The following NUDC variants were observed in gnomAD, a reference collection of about 807,000 sequenced individuals.
NUDC encodes nuclear distribution C, dynein complex regulator.
In NUDC, 14 loss-of-function variants were observed where a neutral mutation model predicts 45.0. The ratio of observed to expected loss-of-function variants is 0.31; its 90% CI spans 0.21 to 0.49. NUDC has a LOEUF of 0.49. Among genes scored for constraint, NUDC ranks in the 20% least tolerant of loss-of-function variants. The probability of loss-of-function intolerance (pLI) is 0.99; values close to 1 mark genes in which losing one functional copy is unlikely to be tolerated. For missense variants in NUDC, 323 were observed against 426.2 expected (o/e 0.76, Z 2.13); for synonymous variants, 153 against 156.7 (o/e 0.98, Z 0.17).
At chr1:26,900,798 T>C (rs1205022213) in intron 1 of NUDC, among the ~76,000 whole-genome samples, 1 of 152,184 alleles carries the variant, frequency 6.6e-6, no homozygotes, top group East Asian at 1.9e-4. Flanking sequence ...TCCATTTATT[T>C]TTCCAAAATG....
chr1:26,927,999 C>T (rs1345409391), intron 2 of NUDC, among the ~76,000 whole-genome samples: 2 of 151,988 alleles, frequency 1.3e-5, no homozygotes, highest in Admixed American at 6.6e-5. Context: ...CCTCATGCCA[C>T]GAACTTACAA....
upstream of NUDC, among the ~76,000 whole-genome samples, chr1:26,920,222 G>T (rs544703397): frequency 1.1e-4 from 16 of 152,288 alleles, no homozygotes; most frequent in African/African-American, 2.9e-4. Context: ...GGGCGCAGTG[G>T]CTCATGCCTG....
chr1:26,943,395 T>C (rs1347469956), intron 6 of NUDC, among the ~76,000 whole-genome samples: 1 of 151,084 alleles, frequency 6.6e-6, no homozygotes, highest in South Asian at 2.1e-4. Flanking sequence ...TAAATTTTTT[T>C]GTAGAGACCG....
chr1:26,906,585 C>G (rs2082004047), intron 2 of NUDC, among the ~76,000 whole-genome samples: 1 of 151,536 alleles, frequency 6.6e-6, no homozygotes, highest in Non-Finnish European at 1.5e-5. Flanking sequence ...CGTGGTGGCT[C>G]ACACCCGTAA....
At chr1:26,930,782 C>T (rs935591835) in intron 2 of NUDC, among the ~76,000 whole-genome samples, 4 of 150,216 alleles carry the variant, frequency 2.7e-5, no homozygotes, top group East Asian at 2.0e-4. Context: ...TTTGGAAGGC[C>T]GAGGTGGGCA....
At chr1:26,911,071 T>A (rs2082023527) in intron 2 of NUDC, 2 of 467,432 alleles carry the variant, frequency 4.3e-6, no homozygotes, top group African/African-American at 2.0e-5. Context: ...CAGCCCTGGG[T>A]ACCCTTGTCC....
At chr1:26,921,721 C>T, upstream of NUDC, 2 of 1,010,622 alleles carry the variant, frequency 2.0e-6, no homozygotes, top group African/African-American at 1.6e-5. Context: ...CAGCCGCGCG[C>T]GTGCGTGTTT....
chr1:26,906,122 AAT>A (rs1274513817), intron 2 of NUDC, among the ~76,000 whole-genome samples: 1 of 152,218 alleles, frequency 6.6e-6, no homozygotes, highest in Non-Finnish European at 1.5e-5. Context: ...CTCTACTAAA[AAT>A]ACACAATTAG....
At chr1:26,927,877 ATAATC>A (rs1479714653) in intron 2 of NUDC, among the ~76,000 whole-genome samples, 2 of 152,176 alleles carry the variant, frequency 1.3e-5, no homozygotes, top group Non-Finnish European at 2.9e-5. Flanking sequence ...ATTACATACA[ATAATC>A]TAATCGCAGG....
chr1:26,924,892 A>G (rs993597646), intron 2 of NUDC, among the ~76,000 whole-genome samples: 1 of 150,204 alleles, frequency 6.7e-6, no homozygotes, highest in Admixed American at 6.7e-5. Context: ...ATTTTATTTT[A>G]TTTTTTGAAA....
At chr1:26,915,006 TATATG>T (rs2082054311) in intron 3 of NUDC, among the ~76,000 whole-genome samples, 2 of 147,560 alleles carry the variant, frequency 1.4e-5, no homozygotes, top group Non-Finnish European at 3.0e-5. Context: ...TATGTATATG[TATATG>T]TATATTTATA....
chr1:26,934,146 C>T (rs750624896), intron 2 of NUDC, among the ~76,000 whole-genome samples: 7 of 152,180 alleles, frequency 4.6e-5, no homozygotes, highest in Admixed American at 1.3e-4. Context: ...AGCGAGACTC[C>T]GTCTCAAAGA....
intron 6 of NUDC, 107 bp downstream of exon 6, chr1:26,943,172 T>A: frequency 4.4e-6 from 5 of 1,139,084 alleles, no homozygotes; most frequent in Non-Finnish European, 5.3e-6. Flanking sequence ...GGGATTATCT[T>A]AATCCCCATG....
intron 2 of NUDC, among the ~76,000 whole-genome samples, chr1:26,903,443 A>T (rs1181300923): frequency 1.3e-5 from 2 of 152,336 alleles, no homozygotes; most frequent in African/African-American, 2.4e-5. Flanking sequence ...TACTTTACAC[A>T]TATTTATTAA....
chr1:26,924,484 A>C (rs1294063425), intron 2 of NUDC, among the ~76,000 whole-genome samples: 1 of 152,204 alleles, frequency 6.6e-6, no homozygotes, highest in African/African-American at 2.4e-5. Flanking sequence ...GGTTGAAACC[A>C]GTCTGTTGTA....
intron 2 of NUDC, among the ~76,000 whole-genome samples, chr1:26,934,803 A>G (rs1236770441): frequency 1.3e-5 from 2 of 148,646 alleles, no homozygotes; most frequent in African/African-American, 2.5e-5. Flanking sequence ...GACTACAGGC[A>G]CCCCCCACCA....
intron 3 of NUDC, among the ~76,000 whole-genome samples, chr1:26,914,258 C>T (rs899847754): frequency 6.6e-6 from 1 of 152,222 alleles, no homozygotes; most frequent in East Asian, 1.9e-4. Context: ...AGGTCATTAA[C>T]TCAGGCTGTA....
At chr1:26,913,599 C>T (rs1265678714) in intron 3 of NUDC, 11 of 1,613,982 alleles carry the variant, frequency 6.8e-6, no homozygotes, top group Non-Finnish European at 9.3e-6. Context: ...GTATGCTGGG[C>T]ACCGGGGCCT....
At chr1:26,906,722 G>A (rs1030238770) in intron 2 of NUDC, among the ~76,000 whole-genome samples, 5 of 152,070 alleles carry the variant, frequency 3.3e-5, no homozygotes, top group African/African-American at 9.6e-5. Flanking sequence ...GGTGGCGGGC[G>A]CCTGTAGTCC....
Sources: gnomAD v4.1 joint callset for allele counts (sites outside exome capture counted in the v4.1 genomes callset) on GRCh38, gnomAD v4.1.1 for gene constraint, MANE v1.5 for transcripts, NCBI Gene and HGNC (gene_info 2026-07-23, HGNC 2026-07-21) for gene names.